Variants in GABRG3 observed in about 807,000 individuals in gnomAD.
GABRG3 encodes gamma-aminobutyric acid type A receptor subunit gamma3, also known as gamma-aminobutyric acid receptor subunit gamma-3.
GABRG3 carries 25 observed loss-of-function variants against 48.8 expected under a neutral mutation model. The ratio of observed to expected loss-of-function variants is 0.51; its 90% CI spans 0.37 to 0.72. The LOEUF (loss-of-function observed/expected upper bound fraction) is 0.72, where lower values mean the gene tolerates loss of function less well. Ranked by LOEUF, GABRG3 falls within the 30% of genes least tolerant of loss-of-function variation. GABRG3 has a pLI of 0.00. For synonymous variants in GABRG3, 227 were observed against 217.6 expected, an observed-to-expected ratio of 1.04 and a Z score of -0.38; for missense variants, 394 against 577.9, an observed-to-expected ratio of 0.68 and a Z score of 3.26.
At chr15:27,440,627 A>T (rs145542886) in intron 5 of GABRG3, among the ~76,000 whole-genome samples, 3 of 152,222 alleles carry the variant, frequency 2.0e-5, no homozygotes, top group Non-Finnish European at 4.4e-5. Flanking sequence ...ACGATCAACC[A>T]TACTAAATAT....
intron 2 of GABRG3, among the ~76,000 whole-genome samples, chr15:26,991,659 G>A (rs1895250510): frequency 6.6e-6 from 1 of 151,762 alleles, no homozygotes. Flanking sequence ...TAATTCCTGG[G>A]TATTTAATTT....
chr15:27,220,201 T>A (rs1175573811), intron 3 of GABRG3, among the ~76,000 whole-genome samples: 1 of 151,868 alleles, frequency 6.6e-6, no homozygotes, highest in Admixed American at 6.6e-5. Context: ...CACATGGAGG[T>A]TGTACATTGG....
chr15:27,004,926 G>C (rs1895553585), intron 2 of GABRG3, among the ~76,000 whole-genome samples: 1 of 152,214 alleles, frequency 6.6e-6, no homozygotes, highest in Non-Finnish European at 1.5e-5. Context: ...TCTACAGGCA[G>C]TTGGAGGACT....
chr15:27,084,478 C>A lies in GABRG3; in HGVS notation c.270+57657C>A, dbSNP rs114760440. ...TTGCCTCAGTCTTTAACCCAAGGTTCTTTTGTAGTGAGACAAATAAGCAAA... is the reference window on the plus strand; with the variant it reads ...TTGCCTCAGTCTTTAACCCAAGGTTATTTTGTAGTGAGACAAATAAGCAAA... On this transcript the variant is annotated intron_variant, in intron 3 of 9. Transcript: ENST00000615808. Among the ~76,000 whole-genome samples, 471 of 152,310 alleles carry A rather than the reference C, an allele frequency of 3.1e-3. 5 individuals carry two copies. Among genetic ancestry groups the A allele is most frequent in the African/African-American group, 0.011 (452 of 41,574 alleles).
intron 6 of GABRG3, among the ~76,000 whole-genome samples, chr15:27,505,477 C>A (rs956087179): frequency 6.6e-6 from 1 of 152,148 alleles, no homozygotes; most frequent in South Asian, 2.1e-4. Flanking sequence ...ATGTTCCTTT[C>A]TATTCCCAGT....
At chr15:27,067,084 G>A (rs1896750064) in intron 3 of GABRG3, among the ~76,000 whole-genome samples, 1 of 152,178 alleles carries the variant, frequency 6.6e-6, no homozygotes. Context: ...TGAAAACATA[G>A]CACAGCCCTG....
chr15:27,018,077 CTT>C (rs1332159990), intron 2 of GABRG3, among the ~76,000 whole-genome samples: 1 of 152,190 alleles, frequency 6.6e-6, no homozygotes, highest in Non-Finnish European at 1.5e-5. Context: ...TTGTTAAAAA[CTT>C]ATCTTTCCTG....
At chr15:27,448,704 C>CA (rs1373282460) in intron 5 of GABRG3, among the ~76,000 whole-genome samples, 2 of 152,020 alleles carry the variant, frequency 1.3e-5, no homozygotes, top group African/African-American at 2.4e-5. Flanking sequence ...ATGATTGCCT[C>CA]AAAGAACTTA....
intron 5 of GABRG3, among the ~76,000 whole-genome samples, chr15:27,454,657 TA>T (rs987200296): frequency 6.6e-6 from 1 of 152,192 alleles, no homozygotes; most frequent in Non-Finnish European, 1.5e-5. Flanking sequence ...TTTTGTTTTT[TA>T]GCTATCTGGA....
chr15:27,053,686 A>G (rs962249415), intron 3 of GABRG3, among the ~76,000 whole-genome samples: 2 of 152,234 alleles, frequency 1.3e-5, no homozygotes, highest in Non-Finnish European at 2.9e-5. Context: ...TGTTCACTGC[A>G]CCACTATTCA....
chr15:27,418,103 G>A (rs1302835809), intron 5 of GABRG3, among the ~76,000 whole-genome samples: 1 of 152,192 alleles, frequency 6.6e-6, no homozygotes, highest in Non-Finnish European at 1.5e-5. Flanking sequence ...AGCACTGAAT[G>A]CTCACAGGAG....
chr15:27,495,276 A>C (rs1890457631), intron 6 of GABRG3, among the ~76,000 whole-genome samples: 1 of 152,190 alleles, frequency 6.6e-6, no homozygotes. Flanking sequence ...ATGTTCATCC[A>C]CGTTGTAGCC....
intron 2 of GABRG3, among the ~76,000 whole-genome samples, chr15:27,020,793 T>C (rs1895880137): frequency 6.6e-6 from 1 of 152,180 alleles, no homozygotes; most frequent in Non-Finnish European, 1.5e-5. Context: ...ACTCTCTACT[T>C]TTTCCTCTCC....
chr15:27,340,796 G>C (rs1894146454), intron 5 of GABRG3: 1 of 184,870 alleles, frequency 5.4e-6, no homozygotes, highest in Non-Finnish European at 1.2e-5. Context: ...TGATGGGGCA[G>C]ACAAACCCTG....
At chr15:27,081,979 A>C (rs748257131) in intron 3 of GABRG3, among the ~76,000 whole-genome samples, 4 of 152,196 alleles carry the variant, frequency 2.6e-5, no homozygotes, top group Non-Finnish European at 4.4e-5. Flanking sequence ...GAGAGTGCTT[A>C]AGTTAGAGTG....
At chr15:27,265,481 C>A (rs544694299) in intron 3 of GABRG3, among the ~76,000 whole-genome samples, 2 of 152,278 alleles carry the variant, frequency 1.3e-5, no homozygotes, top group Admixed American at 6.5e-5. Flanking sequence ...TAACAGACAG[C>A]AAAGGGTGGG....
chr15:27,280,198 T>C (rs1169957384), intron 3 of GABRG3: 1 of 152,162 alleles, frequency 6.6e-6, no homozygotes, highest in Admixed American at 6.5e-5. Context: ...TATTCTTTTT[T>C]CTTAAGGTAG....
chr15:27,520,687 A>G (rs1013113073), intron 7 of GABRG3, among the ~76,000 whole-genome samples: 2 of 115,068 alleles, frequency 1.7e-5, no homozygotes, highest in African/African-American at 7.9e-5. Flanking sequence ...GAACTGTGCA[A>G]CGTGTATTAT....
intron 3 of GABRG3, among the ~76,000 whole-genome samples, chr15:27,262,753 G>C (rs924039963): frequency 1.3e-5 from 2 of 152,170 alleles, no homozygotes; most frequent in Non-Finnish European, 2.9e-5. Context: ...TGGAGTCCAC[G>C]TAATTATATG....
Sources: allele counts gnomAD v4.1 joint callset (sites outside exome capture counted in the v4.1 genomes callset), GRCh38; gene constraint gnomAD v4.1.1; transcripts MANE v1.5; gene names NCBI Gene and HGNC (gene_info 2026-07-23, HGNC 2026-07-21).